The following DUSP16 variants were observed in gnomAD, a reference collection of about 807,000 sequenced individuals.
The protein encoded by DUSP16 is dual specificity protein phosphatase 16.
DUSP16 carries 21 observed loss-of-function variants against 58.3 expected under a neutral mutation model. The ratio of observed to expected loss-of-function variants is 0.36; its 90% confidence interval spans 0.26 to 0.52. DUSP16 has a LOEUF of 0.52. DUSP16 is among the 20% of genes least tolerant of loss of function. The probability of loss-of-function intolerance (pLI) is 0.94; values close to 1 mark genes in which losing one functional copy is unlikely to be tolerated. For missense variants in DUSP16, 726 were observed against 819.0 expected, an observed-to-expected ratio of 0.89 and a Z score of 1.39; for synonymous variants, 320 against 323.8, an observed-to-expected ratio of 0.99 and a Z score of 0.12.
chr12:12,545,061 G>A (rs1944621667), intron 1 of DUSP16, among the ~76,000 whole-genome samples: 1 of 151,912 alleles, frequency 6.6e-6, no homozygotes, highest in Non-Finnish European at 1.5e-5. Context: ...GACTATTCTT[G>A]CCATTTGCAC....
Position 12,550,891 on chromosome 12 carries a change from T to TA in DUSP16, c.-366+11225dup, listed in dbSNP as rs796797043. Among the ~76,000 whole-genome samples, 97 of 146,492 alleles carry TA rather than the reference T, an allele frequency of 6.6e-4. No individual in the cohort carries two copies. In the East Asian group the frequency reaches 0.01, roughly 16 times the overall value. The stretch of plus-strand genomic sequence containing the variant: ...TGTACCCCAAAACTTAAAGTATAAT[T>TA]AAAAAAAAAAGCCAGTCTCACTTAA... On this transcript the variant is annotated intron_variant, in intron 1 of 6. Transcript: ENST00000298573.
At chr12:12,521,935 G>A (rs1031529304) in intron 1 of DUSP16, among the ~76,000 whole-genome samples, 15 of 152,106 alleles carry the variant, frequency 9.9e-5, no homozygotes, top group Non-Finnish European at 1.8e-4. Flanking sequence ...GAATTCCTGC[G>A]ATGAATGGGT....
chr12:12,548,433 A>G (rs914707017), intron 1 of DUSP16, among the ~76,000 whole-genome samples: 2 of 152,054 alleles, frequency 1.3e-5, no homozygotes, highest in African/African-American at 4.8e-5. Context: ...GGAGTTTGAG[A>G]CAAGCCTGGC....
At chr12:12,490,286 A>AT (rs981639173) in intron 4 of DUSP16, among the ~76,000 whole-genome samples, 1 of 152,208 alleles carries the variant, frequency 6.6e-6, no homozygotes, top group Admixed American at 6.5e-5. Flanking sequence ...TATTTATAAA[A>AT]TTTTTAGCTT....
At chr12:12,494,949 A>C (rs1308355672) in intron 4 of DUSP16, among the ~76,000 whole-genome samples, 1 of 152,180 alleles carries the variant, frequency 6.6e-6, no homozygotes, top group Non-Finnish European at 1.5e-5. Context: ...CACGGAATAA[A>C]GTAAAGTACA....
At chr12:12,482,913 A>G (rs981975408) in intron 5 of DUSP16, among the ~76,000 whole-genome samples, 2 of 152,120 alleles carry the variant, frequency 1.3e-5, no homozygotes, top group African/African-American at 2.4e-5. Flanking sequence ...GGATCTTGCT[A>G]TGTTGACTAG....
chr12:12,535,557 A>C (rs1944452035), intron 1 of DUSP16, among the ~76,000 whole-genome samples: 1 of 152,156 alleles, frequency 6.6e-6, no homozygotes, highest in Admixed American at 6.5e-5. Context: ...TTCCTATCAA[A>C]GTCTCAATTT....
chr12:12,518,830 G>A (rs924565083), intron 3 of DUSP16, among the ~76,000 whole-genome samples: 2 of 152,194 alleles, frequency 1.3e-5, no homozygotes, highest in Non-Finnish European at 2.9e-5. Flanking sequence ...AAGGTGTACA[G>A]ATAGACAATC....
intron 1 of DUSP16, among the ~76,000 whole-genome samples, chr12:12,543,276 G>T (rs1025919573): frequency 6.6e-6 from 1 of 152,150 alleles, no homozygotes; most frequent in Admixed American, 6.5e-5. Flanking sequence ...AACTGTCCTT[G>T]TTCTTCGGAG....
In DUSP16 at chr12:12,477,124, G is replaced by C. The variant is rs1402041994; in HGVS notation, c.1707C>G (p.Ala569=). Residue 569 remains alanine, a synonymous_variant, in exon 7 of 7, where the codon GCC becomes GCG. Transcript: ENST00000298573. The surrounding 1 kb of genome is among the most constrained non-coding windows in gnomAD (Gnocchi z 4.1). The part of the protein sequence containing the change: ...FATESSHFYS[A]SAIYGGSASY... ...TGGCACTGCCTCCGTAGATGGCTGA[G>C]GCAGAGTAGAAGTGTGAGGACTCTG... The C allele has an allele frequency of 6.2e-7, 1 of 1,614,118 alleles. No homozygotes were observed. Among genetic ancestry groups the C allele is most frequent in the Admixed American group, 1.7e-5 (1 of 60,008 alleles).
intron 1 of DUSP16, among the ~76,000 whole-genome samples, chr12:12,543,365 G>A (rs1427989826): frequency 6.6e-6 from 1 of 152,182 alleles, no homozygotes; most frequent in Non-Finnish European, 1.5e-5. Flanking sequence ...TAAATATGAA[G>A]AGAGAGCAAG....
intron 5 of DUSP16, among the ~76,000 whole-genome samples, chr12:12,484,366 T>C (rs568514895): frequency 1.3e-5 from 2 of 152,320 alleles, no homozygotes; most frequent in South Asian, 4.1e-4. Flanking sequence ...TAAAGTTCTT[T>C]TGTATGAATG....
At chr12:12,550,738 T>C (rs2136266498) in intron 1 of DUSP16, among the ~76,000 whole-genome samples, 1 of 152,008 alleles carries the variant, frequency 6.6e-6, no homozygotes, top group Non-Finnish European at 1.5e-5. Context: ...CTGGGGTCTG[T>C]TGGGGATTGG....
At chr12:12,545,849 C>T (rs61913558) in intron 1 of DUSP16, among the ~76,000 whole-genome samples, 3,642 of 152,244 alleles carry the variant, frequency 0.024, 89 homozygotes, top group East Asian at 0.13. Context: ...AACTATATGA[C>T]AGCTTCAGTC....
intron 1 of DUSP16, among the ~76,000 whole-genome samples, chr12:12,532,184 G>C (rs919402643): frequency 8.6e-5 from 13 of 151,984 alleles, no homozygotes; most frequent in African/African-American, 2.9e-4. Flanking sequence ...ACAAAACAAA[G>C]TGACTTACAA....
Position 12,473,790 on chromosome 12 carries a change from G to C in DUSP16, c.*3043C>G, listed in dbSNP as rs2136177851. On this transcript the variant is annotated 3_prime_UTR_variant, in exon 7 of 7. Coordinates refer to ENST00000298573, the MANE Select transcript of DUSP16 (RefSeq NM_030640.3). ...CAGAGAGGTTGTTGAGATGTATGTG[G>C]CAAGGACAAAGGACAGCTCTTCAAC... Among the ~76,000 whole-genome samples, 1 of 152,292 alleles carries C rather than the reference G, an allele frequency of 6.6e-6. No individual in the cohort carries two copies. Among genetic ancestry groups the C allele is most frequent in the Non-Finnish European group, 1.5e-5 (1 of 68,018 alleles).
At chr12:12,557,234 A>T (rs1222405541) in intron 1 of DUSP16, among the ~76,000 whole-genome samples, 3 of 151,924 alleles carry the variant, frequency 2.0e-5, no homozygotes, top group Non-Finnish European at 2.9e-5. Flanking sequence ...GGCGGGTGGA[A>T]CACGAGGTCA....
At chr12:12,545,091 T>G (rs1277462950) in intron 1 of DUSP16, among the ~76,000 whole-genome samples, 1 of 152,226 alleles carries the variant, frequency 6.6e-6, no homozygotes, top group Non-Finnish European at 1.5e-5. Flanking sequence ...AATTTTAGAA[T>G]CAACTTATAT....
intron 4 of DUSP16, among the ~76,000 whole-genome samples, chr12:12,498,182 A>C (rs1943858172): frequency 6.6e-6 from 1 of 152,130 alleles, no homozygotes; most frequent in South Asian, 2.1e-4. Context: ...GCAGGATGAT[A>C]GGTTAGTTAA....
Sources: gnomAD v4.1 joint callset for allele counts (sites outside exome capture counted in the v4.1 genomes callset) on GRCh38, gnomAD v4.1.1 for gene constraint, Gnocchi (gnomAD v3.1) non-coding constraint, MANE v1.5 for transcripts, NCBI Gene and HGNC (gene_info 2026-07-23, HGNC 2026-07-21) for gene names.